DNHD1: variants seen among roughly 807,000 people sequenced by gnomAD.
The protein encoded by DNHD1 is dynein heavy chain domain-containing protein 1.
In DNHD1, 383 loss-of-function variants were observed where a neutral mutation model predicts 458.1. The ratio of observed to expected loss-of-function variants is 0.84; its 90% CI spans 0.77 to 0.91. The LOEUF (loss-of-function observed/expected upper bound fraction) is 0.91, where lower values mean the gene tolerates loss of function less well. DNHD1 is among the 40% of genes least tolerant of loss of function. The probability of loss-of-function intolerance (pLI) is 0.00; values close to 1 mark genes in which losing one functional copy is unlikely to be tolerated. For synonymous variants in DNHD1, 2,203 were observed against 2,376.9 expected (o/e 0.93, Z 2.13); for missense variants, 5,336 against 5,866.1 (o/e 0.91, Z 2.95).
At chr11:6,544,326 G>A (rs1005782925) in intron 19 of DNHD1, 80 bp downstream of exon 19, 3 of 1,497,348 alleles carry the variant, frequency 2.0e-6, no homozygotes, top group African/African-American at 2.8e-5. Context: ...AGAGGTGGAG[G>A]TTGGGTGGGA....
chr11:6,548,600 T>C lies in DNHD1; in HGVS notation c.7099-45T>C, dbSNP rs1177450695. On this transcript the variant is annotated intron_variant, in intron 23 of 42. Transcript: ENST00000254579. This position sits in a 1 kb window ranked among gnomAD's most constrained non-coding sequence, Gnocchi z 4.4. Reference sequence around the variant, plus strand: ...ACTTTTATTTTCAGCTAGATTACTGTCTTATACTGGAGGTGCTGCAGTAAG... The same window carrying C: ...ACTTTTATTTTCAGCTAGATTACTGCCTTATACTGGAGGTGCTGCAGTAAG... The C allele has an allele frequency of 3.2e-6, 5 of 1,547,484 alleles. 1 individual carries two copies. In the South Asian group the frequency reaches 6.0e-5, roughly 18 times the overall value.
intron 14 of DNHD1, among the ~76,000 whole-genome samples, chr11:6,534,406 A>AGGC (rs1462069513): frequency 2.0e-5 from 3 of 152,024 alleles, no homozygotes; most frequent in Admixed American, 6.6e-5. Flanking sequence ...CTGGTAAGGA[A>AGGC]GGCAAACAAG....
chr11:6,570,716 CA>C lies in DNHD1; in HGVS notation c.13206del (p.Ala4403ProfsTer12), dbSNP rs1214230970. ...GCTCTGCGGACTGAGTGAGGGCCCC[CA>C]AGCCTGGCTGTTGCGACGCCAGAGT... is the stretch of plus-strand genomic sequence containing the variant. ...PRLCGLSEGP[Q>X]AWLLRRQSRA... On this transcript the variant is annotated frameshift_variant, in exon 42 of 43. Transcript: ENST00000254579. LOFTEE classifies it high-confidence loss of function. 2.7e-5 allele frequency: 44 copies of C among 1,611,002 alleles called. No homozygotes were observed. The highest frequency in any genetic ancestry group is 3.7e-5 in the Non-Finnish European group (44 of 1,178,708).
In DNHD1 at chr11:6,566,003, T is replaced by TGGGCC; in HGVS notation, c.11053+12_11053+13insGGGCC. 6 of 1,508,650 alleles carry TGGGCC rather than the reference T, an allele frequency of 4.0e-6. No homozygotes were observed. The highest frequency in any genetic ancestry group is 5.4e-6 in the Non-Finnish European group (6 of 1,110,416). The allele number at this position is 1,508,650 out of a possible 1,614,324, so 93.5% of individuals were successfully genotyped here. On this transcript the variant is annotated intron_variant, in intron 33 of 42. Transcript: ENST00000254579. ...GGCAGCTGCTTGTGGTGAGAGCTGG[T>TGGGCC]CCCCACCCACCCTGGCCCCTTTTTG...
At chr11:6,544,385 G>T (rs1336520662) in intron 19 of DNHD1, 139 bp downstream of exon 19, 4 of 1,135,320 alleles carry the variant, frequency 3.5e-6, no homozygotes, top group Non-Finnish European at 4.9e-6. Flanking sequence ...TGTTTCTTGG[G>T]ATGAAGAGAT....
In DNHD1 at chr11:6,498,683, C is replaced by T. The variant is rs771471845; in HGVS notation, c.468C>T (p.Leu156=). 5.0e-6 allele frequency: 8 copies of T among 1,614,230 alleles called. No individual in the cohort carries two copies. In the South Asian group the frequency reaches 6.6e-5, roughly 13 times the overall value. The change falls in exon 3 of 43, where the codon CTC becomes CTT. Residue 156 remains leucine (L), a synonymous_variant. Transcript: ENST00000254579. ...ACTGCTGTCCCCAGAAGCGGAGGCT[C>T]CATCACAGGCCCCCATGCCCAGCTT... ...HADCCPQKRR[L]HHRPPCPACP...
At chr11:6,534,794 T>G (rs1852909048) in intron 14 of DNHD1, among the ~76,000 whole-genome samples, 1 of 152,214 alleles carries the variant, frequency 6.6e-6, no homozygotes, top group Non-Finnish European at 1.5e-5. Flanking sequence ...GATCTCAGGC[T>G]AGAGTGCAGT....
At position 6,546,192 on chromosome 11, in the gene DNHD1, C is replaced by T. The variant is rs1853213457; in HGVS notation, c.5253C>T (p.Ala1751=). 1 of 1,551,136 alleles carries T rather than the reference C, an allele frequency of 6.4e-7. No individual in the cohort carries two copies. Among genetic ancestry groups the T allele is most frequent in the Non-Finnish European group, 8.7e-7 (1 of 1,146,520 alleles). The change falls in exon 21 of 43, where the codon GCC becomes GCT. Residue 1751 remains alanine, a synonymous_variant. Transcript: ENST00000254579. Reference sequence around the variant, plus strand: ...AGCTGCCCCCTGGCTTGCTCTCTGCCCTGGGCCAGCGCCTGGGTGAACTGC... The same window carrying T: ...AGCTGCCCCCTGGCTTGCTCTCTGCTCTGGGCCAGCGCCTGGGTGAACTGC... The part of the protein sequence containing the change: ...VHQLPPGLLS[A]LGQRLGELHH...
rs370948373 is a variant in DNHD1, at chr11:6,566,333, G to C, written c.11146G>C (p.Val3716Leu). ...LQREQLSPPQVQPGFCLYLST... is the reference protein window; with the variant it reads ...LQREQLSPPQLQPGFCLYLST... ...ACGGGAGCAGCTGAGTCCACCCCAG[G>C]TGCAGCCTGGCTTCTGTCTGTATCT... The change falls in exon 34 of 43, where the codon GTG becomes CTG. Residue 3716 changes from valine to leucine, a missense_variant. Val to Leu is a conservative substitution (Grantham distance 32, BLOSUM62 1). This residue lies in a region of DNHD1 where 695 missense variants were observed against 804.2 expected (regional missense o/e 0.86). Coordinates refer to ENST00000254579, the MANE Select transcript of DNHD1 (RefSeq NM_144666.3). The C allele has an allele frequency of 6.4e-7, 1 of 1,553,958 alleles. No individual in the cohort carries two copies. The highest frequency in any genetic ancestry group is 8.7e-7 in the Non-Finnish European group (1 of 1,148,352).
Position 6,548,894 on chromosome 11 carries a change from C to A in DNHD1, c.7348C>A (p.Leu2450Ile), listed in dbSNP as rs1337657163. The A allele has an allele frequency of 1.3e-6, 2 of 1,551,746 alleles. No homozygotes were observed. The highest frequency in any genetic ancestry group is 3.9e-5 in the Admixed American group (2 of 51,010). Reference protein sequence around the residue: ...PGHHQDSKPSLLFLLEDLHLA... With the variant: ...PGHHQDSKPSILFLLEDLHLA... ...GCATCACCAGGATTCTAAACCCTCC[C>A]TCCTCTTCTTGCTGGAGGACCTGCA... Residue 2450 changes from leucine to isoleucine, a missense_variant, in exon 24 of 43, where the codon CTC (leucine) becomes ATC (isoleucine). Physicochemically the swap from Leu to Ile is conservative, Grantham distance 5. Around this residue, in one of 4 missense-constraint regions of DNHD1, gnomAD observed 3,932 missense variants for 4,365.6 expected, o/e 0.90. Transcript: ENST00000254579. The surrounding 1 kb of genome is among the most constrained non-coding windows in gnomAD (Gnocchi z 4.4).
chr11:6,498,098 C>T lies in DNHD1; in HGVS notation c.-118C>T. Reference sequence around the variant, plus strand: ...CCAGAGCCTGAGGTCCCTTCTCTGGCCCCTCTGCTGGGCTGGCCCATGCAG... The same window carrying T: ...CCAGAGCCTGAGGTCCCTTCTCTGGTCCCTCTGCTGGGCTGGCCCATGCAG... On this transcript the variant is annotated 5_prime_UTR_variant, in exon 3 of 43. Transcript: ENST00000254579. 2.8e-6 allele frequency: 4 copies of T among 1,420,896 alleles called. No homozygotes were observed. The highest frequency in any genetic ancestry group is 3.8e-6 in the Non-Finnish European group (4 of 1,044,048). The allele number at this position is 1,420,896 out of a possible 1,614,324, so 88.0% of individuals were successfully genotyped here. A position where few individuals can be genotyped will look rare whatever the true frequency, so the allele number is the denominator to read the frequency against.
At chr11:6,523,623 T>A (rs1252051409) in intron 10 of DNHD1, among the ~76,000 whole-genome samples, 1 of 152,198 alleles carries the variant, frequency 6.6e-6, no homozygotes, top group African/African-American at 2.4e-5. Context: ...ACATATAAAT[T>A]TTCAATTGAA....
chr11:6,525,686 T>C (rs1852696732), intron 10 of DNHD1, among the ~76,000 whole-genome samples: 1 of 152,242 alleles, frequency 6.6e-6, no homozygotes, highest in Non-Finnish European at 1.5e-5. Flanking sequence ...TGATAACAAT[T>C]TGTACCTTTT....
intron 24 of DNHD1, among the ~76,000 whole-genome samples, chr11:6,551,713 A>C (rs150549805): frequency 0.03 from 4,611 of 151,922 alleles, 96 homozygotes; most frequent in Non-Finnish European, 0.04. Context: ...GAGGCCAAGG[A>C]GGGCAGATCA....
intron 33 of DNHD1, 101 bp downstream of exon 33, chr11:6,566,092 T>G: frequency 6.8e-7 from 1 of 1,474,016 alleles, no homozygotes; most frequent in Non-Finnish European, 9.1e-7. Context: ...TTCCCATCCT[T>G]CATCCCAGGC....
chr11:6,510,291 G>A (rs1015498318), intron 6 of DNHD1, among the ~76,000 whole-genome samples: 1 of 151,934 alleles, frequency 6.6e-6, no homozygotes, highest in African/African-American at 2.4e-5. Context: ...CGCCATGTTG[G>A]CCAGGCTGGT....
rs1157042395 is a variant in DNHD1, at chr11:6,545,562, C to T, written c.4623C>T (p.Arg1541=). The T allele has an allele frequency of 6.4e-7, 1 of 1,552,078 alleles. No individual in the cohort carries two copies. Among genetic ancestry groups the T allele is most frequent in the African/African-American group, 1.4e-5 (1 of 73,184 alleles). ...GTLAMVSMHM[R]KLEVLVNFMR... is the part of the protein sequence containing the mutation. ...TGGCCATGGTCTCCATGCATATGCGCAAGCTTGAGGTACTGGTGAATTTTA... is the reference window on the plus strand; with the variant it reads ...TGGCCATGGTCTCCATGCATATGCGTAAGCTTGAGGTACTGGTGAATTTTA... Residue 1541 remains arginine, a synonymous_variant, in exon 21 of 43, where the codon CGC becomes CGT. Transcript: ENST00000254579. This position sits in a 1 kb window ranked among gnomAD's most constrained non-coding sequence, Gnocchi z 4.9.
At chr11:6,499,649 C>T (rs1202067577) in intron 3 of DNHD1, among the ~76,000 whole-genome samples, 3 of 151,992 alleles carry the variant, frequency 2.0e-5, no homozygotes, top group Non-Finnish European at 4.4e-5. Flanking sequence ...TTCACCGCAA[C>T]CTCCGCCTCC....
Position 6,558,629 on chromosome 11 carries a change from AG to A in DNHD1, c.9148del (p.Ala3050LeufsTer67). 1 of 1,551,662 alleles carries A rather than the reference AG, an allele frequency of 6.4e-7. No individual in the cohort carries two copies. On this transcript the variant is annotated frameshift_variant, in exon 26 of 43. Transcript: ENST00000254579. LOFTEE classifies it high-confidence loss of function. Reference protein sequence around the residue: ...SIDRYEPWDQAALAKVAQHHL... With the variant: ...SIDRYEPWDQXALAKVAQHHL... ...TTGACCGCTATGAACCCTGGGACCA[AG>A]CTGCCCTGGCCAAGGTGGCCCAGCA... is the stretch of plus-strand genomic sequence containing the variant.
Sources: allele counts gnomAD v4.1 joint callset (sites outside exome capture counted in the v4.1 genomes callset), GRCh38; gene constraint gnomAD v4.1.1; regional missense constraint gnomAD v4.1.1; non-coding constraint Gnocchi (gnomAD v3.1); transcripts MANE v1.5; gene names NCBI Gene and HGNC (gene_info 2026-07-23, HGNC 2026-07-21).